The following DPEP1 variants were observed in gnomAD, a reference collection of about 807,000 sequenced individuals.
DPEP1 encodes dipeptidase 1.
DPEP1 carries 50 observed loss-of-function variants against 42.3 expected under a neutral mutation model. That is an observed-to-expected ratio of 1.18 (90% CI 0.94 to 1.50). DPEP1 has a LOEUF of 1.50. Ranked by LOEUF, DPEP1 falls within the 40% of genes most tolerant of loss-of-function variation. The pLI is 0.00. For missense variants in DPEP1, 663 were observed against 553.0 expected (o/e 1.20, Z -1.99); for synonymous variants, 297 against 234.0 (o/e 1.27, Z -2.46).
At chr16:89,639,903 C>T (rs116458197), downstream of DPEP1, among the ~76,000 whole-genome samples, 2,877 of 140,304 alleles carry the variant, frequency 0.021, 95 homozygotes, top group African/African-American at 0.072. Flanking sequence ...TTTCCAACCC[C>T]GACCTCAGGT....
Position 89,620,345 on chromosome 16 carries a change from G to A in DPEP1, c.-107+6626G>A, listed in dbSNP as rs77075174. ...TGAGACTCTCTGGGCTCGTTGGGCT[G>A]GGCCCAAGCTCCCAGGCCCCCTCCT... On this transcript the variant is annotated intron_variant, in intron 1 of 10. Coordinates refer to ENST00000690203, the MANE Select transcript of DPEP1 (RefSeq NM_001389466.1). Among the ~76,000 whole-genome samples the A allele has an allele frequency of 8.2e-3, 1,249 of 152,186 alleles. 17 individuals are homozygous for A. The highest frequency in any genetic ancestry group is 0.029 in the African/African-American group (1,185 of 41,542).
intron 1 of DPEP1, among the ~76,000 whole-genome samples, chr16:89,617,491 T>A (rs1179137133): frequency 2.0e-5 from 3 of 152,118 alleles, no homozygotes; most frequent in African/African-American, 7.2e-5. Flanking sequence ...GGCCATCTGG[T>A]CAACAGAAAG....
intron 5 of DPEP1, 65 bp downstream of exon 5, chr16:89,636,748 C>T: frequency 6.2e-7 from 1 of 1,602,948 alleles, no homozygotes; most frequent in South Asian, 1.1e-5. Context: ...ACACTCCCTG[C>T]CACCCTCCAG....
chr16:89,635,842 G>A, intron 2 of DPEP1, 66 bp from the exon 3 acceptor site: 1 of 1,516,966 alleles, frequency 6.6e-7, no homozygotes, highest in South Asian at 1.3e-5. Context: ...CAGAGGCCAG[G>A]AGCTCGGAAG....
intron 1 of DPEP1, among the ~76,000 whole-genome samples, chr16:89,628,079 T>C (rs926854168): frequency 9.9e-5 from 15 of 151,874 alleles, no homozygotes; most frequent in African/African-American, 2.9e-4. Context: ...CCCGCCACCA[T>C]GCCCGGCTAA....
chr16:89,639,537 C>G (rs1367748972), downstream of DPEP1, among the ~76,000 whole-genome samples: 3 of 138,352 alleles, frequency 2.2e-5, no homozygotes, highest in Non-Finnish European at 4.7e-5. Context: ...ACCCCCACCT[C>G]TGCACACACA....
chr16:89,637,980 G>C lies in DPEP1; in HGVS notation c.1065+9G>C. On this transcript the variant is annotated intron_variant, in intron 10 of 10. Transcript: ENST00000690203. ...TCGAGGCTGTGGAACAGGTGAGGAT[G>C]GGGTGGCCACCTGAGTCTCCCCCAC... 1 of 1,607,318 alleles carries C rather than the reference G, an allele frequency of 6.2e-7. No individual in the cohort carries two copies. The highest frequency in any genetic ancestry group is 1.1e-5 in the South Asian group (1 of 90,404).
At chr16:89,637,414 C>G (rs1003108832) in intron 7 of DPEP1, 34 bp downstream of exon 7, 1 of 1,612,652 alleles carries the variant, frequency 6.2e-7, no homozygotes, top group Middle Eastern at 1.7e-4. Context: ...CACCCCGCCT[C>G]CCTGGGCAGG....
At chr16:89,624,754 T>G (rs1392775146) in intron 1 of DPEP1, among the ~76,000 whole-genome samples, 2 of 152,124 alleles carry the variant, frequency 1.3e-5, no homozygotes, top group African/African-American at 4.8e-5. Context: ...AGGCTGGTCT[T>G]GAACTCCCGG....
At chr16:89,615,047 G>T (rs1432111470) in intron 1 of DPEP1, among the ~76,000 whole-genome samples, 10 of 152,162 alleles carry the variant, frequency 6.6e-5, no homozygotes. Context: ...CCATGGAGAA[G>T]CTCAGTGGGT....
At chr16:89,638,926 GCA>G (rs1289640655), downstream of DPEP1, among the ~76,000 whole-genome samples, 5 of 32,802 alleles carry the variant, frequency 1.5e-4, no homozygotes, top group Non-Finnish European at 1.6e-4. Flanking sequence ...CCGCACCCCT[GCA>G]CACACACACA....
chr16:89,624,394 C>T (rs537731927), intron 1 of DPEP1, among the ~76,000 whole-genome samples: 5 of 152,086 alleles, frequency 3.3e-5, no homozygotes, highest in South Asian at 4.2e-4. Flanking sequence ...TCCATGTCCT[C>T]GGCGTTTGAA....
At chr16:89,640,620 C>T (rs1031630366), downstream of DPEP1, 3 of 982,482 alleles carry the variant, frequency 3.1e-6, no homozygotes, top group Non-Finnish European at 3.6e-6. Context: ...CCAGGATCCA[C>T]TTATCAATAA....
intron 1 of DPEP1, among the ~76,000 whole-genome samples, chr16:89,622,437 A>C (rs1213743851): frequency 6.6e-6 from 1 of 152,186 alleles, no homozygotes; most frequent in Admixed American, 6.5e-5. Flanking sequence ...GGTAAGGCAC[A>C]AGCATTTCCT....
chr16:89,617,531 A>C (rs1341647894), intron 1 of DPEP1, among the ~76,000 whole-genome samples: 1 of 151,122 alleles, frequency 6.6e-6, no homozygotes, highest in East Asian at 1.9e-4. Flanking sequence ...AGGAGCCCAC[A>C]CCTGTGCCGG....
downstream of DPEP1, chr16:89,638,488 A>C: frequency 1.6e-6 from 2 of 1,272,300 alleles, no homozygotes; most frequent in Non-Finnish European, 2.0e-6. Context: ...TTTTGTGAAA[A>C]TGGCTCCTGG....
intron 1 of DPEP1, chr16:89,616,827 C>A: frequency 3.9e-6 from 1 of 255,834 alleles, no homozygotes; most frequent in Non-Finnish European, 7.8e-6. Context: ...CAGGAAGTGG[C>A]CAGGAAGCGG....
In DPEP1 at chr16:89,638,334, T is replaced by C; in HGVS notation, c.*112T>C. On this transcript the variant is annotated 3_prime_UTR_variant, in exon 11 of 11. Coordinates refer to ENST00000690203, the MANE Select transcript of DPEP1 (RefSeq NM_001389466.1). ...CTGCCCACATGCAAGGACCAGCATC[T>C]CCTGAGAGGACGCCTGGGCTTACCT... is the stretch of plus-strand genomic sequence containing the variant. 7.0e-7 allele frequency: 1 copy of C among 1,435,276 alleles called. No individual in the cohort carries two copies. Among genetic ancestry groups the C allele is most frequent in the Non-Finnish European group, 9.1e-7 (1 of 1,097,732 alleles). The allele number at this position is 1,435,276 out of a possible 1,614,324, so 88.9% of individuals were successfully genotyped here. A position where few individuals can be genotyped will look rare whatever the true frequency, so the allele number is the denominator to read the frequency against.
In DPEP1 at chr16:89,636,387, A is replaced by G; in HGVS notation, c.361A>G (p.Ser121Gly). 6.2e-7 allele frequency: 1 copy of G among 1,611,870 alleles called. No homozygotes were observed. The highest frequency in any genetic ancestry group is 2.2e-5 in the East Asian group (1 of 44,862). ...CCCGGAGACCTTCCTGTATGTCACC[A>G]GCAGTGCAGGTGGGGTCCTGACCTG... The part of the protein sequence containing the change: ...MYPETFLYVT[S>G]SAGIRQAFRE... The change falls in exon 4 of 11, where the codon AGC becomes GGC. Residue 121 changes from serine to glycine, a missense_variant. Ser to Gly is a moderately conservative substitution (Grantham distance 56). Transcript: ENST00000690203.
Sources: allele counts gnomAD v4.1 joint callset (sites outside exome capture counted in the v4.1 genomes callset), GRCh38; gene constraint gnomAD v4.1.1; transcripts MANE v1.5; gene names NCBI Gene and HGNC (gene_info 2026-07-23, HGNC 2026-07-21).